Variants in ITGA1 observed in about 807,000 individuals in gnomAD.
The protein encoded by ITGA1 is integrin subunit alpha 1, also known as integrin alpha-1.
Under a neutral mutation model 145.9 loss-of-function variants are expected in ITGA1, and 85 were observed. The ratio of observed to expected loss-of-function variants is 0.58; its 90% CI spans 0.49 to 0.70. The LOEUF (loss-of-function observed/expected upper bound fraction) is 0.70. Ranked by LOEUF, ITGA1 falls within the 30% of genes least tolerant of loss-of-function variation. The pLI, the probability that ITGA1 is intolerant of heterozygous loss-of-function variation, is 0.00. For synonymous variants in ITGA1, 520 were observed against 495.3 expected (o/e 1.05, Z -0.66); for missense variants, 1,351 against 1,418.7 (o/e 0.95, Z 0.77).
In ITGA1 at chr5:52,909,024, G is replaced by A. The variant is rs759600753; in HGVS notation, c.1582G>A (p.Val528Met). 4 of 1,613,714 alleles carry A rather than the reference G, an allele frequency of 2.5e-6. No homozygotes were observed. The highest frequency in any genetic ancestry group is 2.5e-6 in the Non-Finnish European group (3 of 1,179,782). ...TEKEEQGKVY[V>M]YALNQTRFEY... ...GAAGGAGGAGCAAGGAAAAGTGTAT[G>A]TGTATGCTCTCAATCAGGTAATGGT... The change falls in exon 13 of 29, where the codon GTG (valine) becomes ATG (methionine). Residue 528 changes from valine to methionine, a missense_variant. Coordinates refer to ENST00000282588, the MANE Select transcript of ITGA1 (RefSeq NM_181501.2).
At chr5:52,906,492 C>A (rs1750409869) in intron 12 of ITGA1, among the ~76,000 whole-genome samples, 1 of 152,000 alleles carries the variant, frequency 6.6e-6, no homozygotes, top group Admixed American at 6.6e-5. Flanking sequence ...GGAAATGATA[C>A]ATGAAATAAC....
At chr5:52,812,789 C>CTTTTTTTTTTTTT (rs61600951) in intron 1 of ITGA1, among the ~76,000 whole-genome samples, 1 of 86,114 alleles carries the variant, frequency 1.2e-5, no homozygotes, top group African/African-American at 5.0e-5. Flanking sequence ...CTTCTTATCG[C>CTTTTTTTTTTTTT]TTTTTTTTTT....
intron 1 of ITGA1, chr5:52,803,125 G>T (rs996989190): frequency 2.0e-5 from 3 of 152,056 alleles, no homozygotes; most frequent in South Asian, 2.1e-4. Context: ...AACTTTCGCC[G>T]GTCTTTCCTG....
chr5:52,920,981 A>G (rs1338906697), intron 17 of ITGA1, among the ~76,000 whole-genome samples: 1 of 87,156 alleles, frequency 1.1e-5, no homozygotes, highest in African/African-American at 4.2e-5. Flanking sequence ...GCTTTGTGCT[A>G]CTTCAGTTTT....
intron 2 of ITGA1, among the ~76,000 whole-genome samples, chr5:52,852,896 G>T (rs1201067366): frequency 6.6e-6 from 1 of 152,094 alleles, no homozygotes; most frequent in East Asian, 1.9e-4. Context: ...AAAGTTAAAT[G>T]TGACTCTCCT....
chr5:52,912,517 T>C (rs1750575928), intron 14 of ITGA1, among the ~76,000 whole-genome samples: 1 of 127,090 alleles, frequency 7.9e-6, no homozygotes, highest in Admixed American at 7.8e-5. Flanking sequence ...ATAGGTATTA[T>C]ATATAGTGTA....
chr5:52,911,635 T>TATACACTATAC lies in ITGA1; in HGVS notation c.1857+1219_1857+1220insCACTATACATA, dbSNP rs1561246441. ...TATAGTGTATCTACTATATATACTA[T>TATACACTATAC]ATATAGTGTATCTACTATATATACT... On this transcript the variant is annotated intron_variant, in intron 14 of 28. Coordinates refer to ENST00000282588, the MANE Select transcript of ITGA1 (RefSeq NM_181501.2). Among the ~76,000 whole-genome samples, 47 of 39,402 alleles carry TATACACTATAC rather than the reference T, an allele frequency of 1.2e-3. 2 individuals are homozygous for TATACACTATAC. The highest frequency in any genetic ancestry group is 2.5e-3 in the Admixed American group (9 of 3,658). The allele number at this position is 39,402 out of a possible 152,430, so 25.8% of individuals were successfully genotyped here.
intron 1 of ITGA1, among the ~76,000 whole-genome samples, chr5:52,814,072 GT>G (rs1748726000): frequency 6.6e-6 from 1 of 152,134 alleles, no homozygotes; most frequent in African/African-American, 2.4e-5. Flanking sequence ...ACATATCACT[GT>G]TTTATGTAGC....
At chr5:52,884,320 G>A (rs919662402) in intron 7 of ITGA1, among the ~76,000 whole-genome samples, 9 of 151,872 alleles carry the variant, frequency 5.9e-5, no homozygotes, top group African/African-American at 9.7e-5. Context: ...GGTGGTGGGC[G>A]CCTGTAATCC....
At chr5:52,822,963 T>C (rs1412035559) in intron 1 of ITGA1, among the ~76,000 whole-genome samples, 1 of 152,118 alleles carries the variant, frequency 6.6e-6, no homozygotes, top group Non-Finnish European at 1.5e-5. Flanking sequence ...CATTAGATGG[T>C]CGAATAGGGA....
chr5:52,804,438 GA>G (rs1281964156), intron 1 of ITGA1, among the ~76,000 whole-genome samples: 3 of 152,232 alleles, frequency 2.0e-5, no homozygotes, highest in African/African-American at 7.2e-5. Flanking sequence ...TTAATTTTAT[GA>G]CAAGATTGTT....
At chr5:52,861,650 C>T (rs78670198) in intron 3 of ITGA1, 91 bp downstream of exon 3, 15 of 756,862 alleles carry the variant, frequency 2.0e-5, no homozygotes, top group Admixed American at 4.7e-5. Flanking sequence ...ACAGGCATAT[C>T]GTTTGAGCCC....
At chr5:52,864,515 C>T (rs1327147893) in intron 3 of ITGA1, among the ~76,000 whole-genome samples, 1 of 152,110 alleles carries the variant, frequency 6.6e-6, no homozygotes, top group East Asian at 1.9e-4. Flanking sequence ...ATTCTCATTG[C>T]CCTGCTAGTT....
intron 2 of ITGA1, among the ~76,000 whole-genome samples, chr5:52,859,422 T>C (rs998344071): frequency 2.0e-5 from 3 of 152,190 alleles, no homozygotes; most frequent in Non-Finnish European, 4.4e-5. Context: ...GTAAAAATTA[T>C]GTATTAAAGG....
At chr5:52,861,063 A>C (rs866966922) in intron 2 of ITGA1, among the ~76,000 whole-genome samples, 18 of 152,148 alleles carry the variant, frequency 1.2e-4, no homozygotes, top group African/African-American at 3.9e-4. Context: ...TTAGCCAATA[A>C]TTATTGATTA....
intron 1 of ITGA1, among the ~76,000 whole-genome samples, chr5:52,817,480 T>C (rs1056971568): frequency 2.0e-5 from 3 of 152,220 alleles, no homozygotes; most frequent in African/African-American, 7.2e-5. Context: ...ACTCCTTCTT[T>C]AAGGAAATGT....
chr5:52,801,118 C>A, intron 1 of ITGA1: 1 of 1,594,984 alleles, frequency 6.3e-7, no homozygotes, highest in African/African-American at 1.3e-5. Flanking sequence ...CAAATTTCTT[C>A]AGGTAAAACA....
At position 52,849,461 on chromosome 5, in the gene ITGA1, A is replaced by G. The variant is rs1436634035; in HGVS notation, c.158A>G (p.Gln53Arg). ...VEDMFGYTVQ[Q>R]YENEEGKWVL... ...GACATGTTTGGATATACTGTTCAACAATATGAAAATGAAGAAGGAAAATGG... is the reference window on the plus strand; with the variant it reads ...GACATGTTTGGATATACTGTTCAACGATATGAAAATGAAGAAGGAAAATGG... Residue 53 changes from glutamine to arginine, a missense_variant, in exon 2 of 29, where the codon CAA becomes CGA. Gln to Arg is a conservative substitution (Grantham distance 43). Transcript: ENST00000282588. The G allele has an allele frequency of 6.2e-7, 1 of 1,605,922 alleles. No homozygotes were observed. Among genetic ancestry groups the G allele is most frequent in the Non-Finnish European group, 8.5e-7 (1 of 1,175,414 alleles).
rs2111566473 is a variant in ITGA1, at chr5:52,954,538, A to T, written c.*2087A>T. ...ACTTATAAGCCCGGCACAATTTTTA[A>T]CATAAGTCATTCCTGGCTATTAAGT... is the stretch of plus-strand genomic sequence containing the variant. On this transcript the variant is annotated 3_prime_UTR_variant, in exon 29 of 29. Coordinates refer to ENST00000282588, the MANE Select transcript of ITGA1 (RefSeq NM_181501.2). 1 of 152,320 alleles carries T rather than the reference A, an allele frequency of 6.6e-6. No homozygotes were observed. The highest frequency in any genetic ancestry group is 2.1e-4 in the South Asian group (1 of 4,830). 9.4% of individuals were successfully genotyped at this position (152,320 alleles called of 1,614,324 possible). A position where few individuals can be genotyped will look rare whatever the true frequency, so the allele number is the denominator to read the frequency against.
Sources: gnomAD v4.1 joint callset for allele counts (sites outside exome capture counted in the v4.1 genomes callset) on GRCh38, gnomAD v4.1.1 for gene constraint, MANE v1.5 for transcripts, NCBI Gene and HGNC (gene_info 2026-07-23, HGNC 2026-07-21) for gene names.